OXR1: variants seen among roughly 807,000 people sequenced by gnomAD.
The protein encoded by OXR1 is oxidation resistance protein 1.
Under a neutral mutation model 104.6 loss-of-function variants are expected in OXR1, and 41 were observed. The observed-to-expected ratio is 0.39, with a 90% CI of 0.31 to 0.51. OXR1 has a LOEUF of 0.51. Ranked by LOEUF, OXR1 falls within the 20% of genes least tolerant of loss-of-function variation. The pLI is 0.77. For missense variants in OXR1, 955 were observed against 1,031.9 expected (o/e 0.93, Z 1.02); for synonymous variants, 348 against 348.4 (o/e 1.00, Z 0.01).
At chr8:106,505,879 C>T (rs1812126854) in intron 2 of OXR1, among the ~76,000 whole-genome samples, 1 of 152,218 alleles carries the variant, frequency 6.6e-6, no homozygotes, top group Non-Finnish European at 1.5e-5. Flanking sequence ...AGTCAGAGAA[C>T]AACCCATTTG....
chr8:106,288,710 T>TTA (rs931668879), intron 1 of OXR1, among the ~76,000 whole-genome samples: 13 of 122,950 alleles, frequency 1.1e-4, no homozygotes, highest in African/African-American at 3.9e-4. Flanking sequence ...TATTTATATA[T>TTA]TATATATATT....
At chr8:106,493,781 T>C (rs891625831) in intron 2 of OXR1, among the ~76,000 whole-genome samples, 1 of 152,136 alleles carries the variant, frequency 6.6e-6, no homozygotes. Flanking sequence ...TAAGAGAGGA[T>C]ATTGAAAGAA....
At chr8:106,726,266 A>C in intron 11 of OXR1, 1 of 1,530,086 alleles carries the variant, frequency 6.5e-7, no homozygotes, top group Non-Finnish European at 8.7e-7. Flanking sequence ...TGGTATGGGA[A>C]AAAAGGGAGA....
intron 2 of OXR1, among the ~76,000 whole-genome samples, chr8:106,479,427 T>G (rs1177968594): frequency 6.6e-6 from 1 of 151,966 alleles, no homozygotes; most frequent in East Asian, 1.9e-4. Context: ...CCTTCTGTAG[T>G]ATAACTTTGG....
chr8:106,302,953 C>A (rs533687474), intron 1 of OXR1, among the ~76,000 whole-genome samples: 1 of 151,928 alleles, frequency 6.6e-6, no homozygotes, highest in African/African-American at 2.4e-5. Flanking sequence ...CGGGGTTTCA[C>A]CGTGTTAGCC....
chr8:106,739,917 A>G (rs1372149249), intron 13 of OXR1, among the ~76,000 whole-genome samples: 2 of 152,200 alleles, frequency 1.3e-5, no homozygotes, highest in African/African-American at 2.4e-5. Flanking sequence ...GGGAGCACAG[A>G]GCGATTAACT....
chr8:106,659,427 A>G (rs963887258), intron 3 of OXR1, among the ~76,000 whole-genome samples: 8 of 152,210 alleles, frequency 5.3e-5, no homozygotes, highest in Non-Finnish European at 7.4e-5. Context: ...AATGCTGTTT[A>G]TGGAATTAGG....
intron 2 of OXR1, among the ~76,000 whole-genome samples, chr8:106,410,884 T>C (rs1167714981): frequency 2.0e-5 from 3 of 152,162 alleles, no homozygotes; most frequent in Non-Finnish European, 4.4e-5. Context: ...TTTATATGTG[T>C]TCCCCAGAAA....
At chr8:106,467,741 G>T (rs919889890) in intron 2 of OXR1, among the ~76,000 whole-genome samples, 3 of 151,818 alleles carry the variant, frequency 2.0e-5, no homozygotes, top group Admixed American at 6.6e-5. Context: ...AGATGTGTAG[G>T]AGCACAAGAC....
Position 106,718,817 on chromosome 8 carries a change from C to T in OXR1, c.1956+4832C>T, listed in dbSNP as rs1004971340. 8.5e-5 allele frequency among the ~76,000 whole-genome samples: 12 copies of T among 141,510 alleles called. 1 individual carries two copies. The highest frequency in any genetic ancestry group is 2.7e-4 in the African/African-American group (10 of 36,500). 92.8% of individuals were successfully genotyped at this position (141,510 alleles called of 152,430 possible). On this transcript the variant is annotated intron_variant, in intron 11 of 16. Coordinates refer to ENST00000517566, the MANE Select transcript of OXR1 (RefSeq NM_001198533.2). ...TCATGCCACTGCACTGCAGCCTGGG[C>T]GACAGAGCGAGACTCCACCTCAAAA...
At chr8:106,637,203 A>G (rs1207816986) in intron 3 of OXR1, among the ~76,000 whole-genome samples, 1 of 152,210 alleles carries the variant, frequency 6.6e-6, no homozygotes, top group Non-Finnish European at 1.5e-5. Context: ...TGCTACTGTT[A>G]AAGATTGTTC....
chr8:106,684,190 A>G, intron 5 of OXR1, 56 bp from the exon 6 acceptor site: 2 of 839,062 alleles, frequency 2.4e-6, no homozygotes, highest in East Asian at 4.9e-5. Flanking sequence ...ATAGAACACC[A>G]TCTAATTATT....
intron 1 of OXR1, among the ~76,000 whole-genome samples, chr8:106,344,071 G>A (rs1815372604): frequency 6.6e-6 from 1 of 152,162 alleles, no homozygotes; most frequent in African/African-American, 2.4e-5. Context: ...CATTTTTAAA[G>A]AGCTAAAAAC....
intron 2 of OXR1, among the ~76,000 whole-genome samples, chr8:106,397,789 G>A (rs1012686453): frequency 1.3e-5 from 2 of 152,014 alleles, no homozygotes; most frequent in Non-Finnish European, 2.9e-5. Flanking sequence ...ATATCGAGTT[G>A]TACCTTGCAT....
chr8:106,712,359 G>A (rs552778129), intron 10 of OXR1, among the ~76,000 whole-genome samples: 56 of 152,058 alleles, frequency 3.7e-4, no homozygotes, highest in African/African-American at 1.3e-3. Flanking sequence ...CACCAATCTT[G>A]GGCAGCCTAA....
chr8:106,699,223 C>T (rs1302063434), intron 7 of OXR1, among the ~76,000 whole-genome samples: 2 of 152,068 alleles, frequency 1.3e-5, no homozygotes, highest in African/African-American at 4.8e-5. Context: ...ACTGTGTGGG[C>T]GCTGACTATT....
intron 2 of OXR1, among the ~76,000 whole-genome samples, chr8:106,392,041 G>C (rs1028231874): frequency 6.6e-6 from 1 of 152,270 alleles, no homozygotes; most frequent in African/African-American, 2.4e-5. Flanking sequence ...GCTGCAGGAC[G>C]TTTGAAAGAA....
chr8:106,566,967 G>A lies in OXR1; in HGVS notation c.220+47828G>A, dbSNP rs190801508. Among the ~76,000 whole-genome samples the A allele has an allele frequency of 3.5e-4, 54 of 152,212 alleles. 1 individual carries two copies. The highest frequency in any genetic ancestry group is 1.9e-4 in the Non-Finnish European group (13 of 68,006). ...ACATTACACATTGGGGCCTGTCGGGGGTTGGAGGGCAAGGGGAGGGACAGC... is the reference window on the plus strand; with the variant it reads ...ACATTACACATTGGGGCCTGTCGGGAGTTGGAGGGCAAGGGGAGGGACAGC... On this transcript the variant is annotated intron_variant, in intron 3 of 16. Transcript: ENST00000517566.
At chr8:106,701,681 T>G (rs1177276941) in intron 7 of OXR1, among the ~76,000 whole-genome samples, 1 of 152,220 alleles carries the variant, frequency 6.6e-6, no homozygotes, top group Non-Finnish European at 1.5e-5. Flanking sequence ...AGAGGAATTA[T>G]ATATAGCATA....
Sources: gnomAD v4.1 joint callset for allele counts (sites outside exome capture counted in the v4.1 genomes callset) on GRCh38, gnomAD v4.1.1 for gene constraint, MANE v1.5 for transcripts, NCBI Gene and HGNC (gene_info 2026-07-23, HGNC 2026-07-21) for gene names.